SDCCAG8: variants seen among roughly 807,000 people sequenced by gnomAD.
SDCCAG8 encodes the protein SHH signaling and ciliogenesis regulator SDCCAG8.
A neutral mutation model predicts 101.8 loss-of-function variants in SDCCAG8; 74 were observed. That is an observed-to-expected ratio of 0.73 (90% CI 0.60 to 0.88). The LOEUF (loss-of-function observed/expected upper bound fraction) is 0.88, where lower values mean the gene tolerates loss of function less well. Among genes scored for constraint, SDCCAG8 ranks in the 40% least tolerant of loss-of-function variants. The probability of loss-of-function intolerance (pLI) is 0.00; values close to 1 mark genes in which losing one functional copy is unlikely to be tolerated. For missense variants in SDCCAG8, 787 were observed against 822.6 expected (o/e 0.96, Z 0.53); for synonymous variants, 281 against 292.9 (o/e 0.96, Z 0.41).
chr1:243,406,718 T>C (rs1441135644), intron 13 of SDCCAG8, among the ~76,000 whole-genome samples: 2 of 152,096 alleles, frequency 1.3e-5, no homozygotes, highest in African/African-American at 4.8e-5. Context: ...TCTTCAATAA[T>C]CTCCCCTCCA....
At chr1:243,339,407 C>T (rs1233859044) in intron 10 of SDCCAG8, among the ~76,000 whole-genome samples, 2 of 152,036 alleles carry the variant, frequency 1.3e-5, no homozygotes, top group African/African-American at 2.4e-5. Context: ...AATATATATG[C>T]TCATGAACTC....
intron 10 of SDCCAG8, among the ~76,000 whole-genome samples, chr1:243,337,690 A>C (rs1017076304): frequency 6.6e-6 from 1 of 152,228 alleles, no homozygotes; most frequent in Non-Finnish European, 1.5e-5. Context: ...TGTCTGACTT[A>C]CCGTGGGCAT....
chr1:243,262,105 C>CCTCATGT (rs1205611379), intron 1 of SDCCAG8, among the ~76,000 whole-genome samples: 37 of 116,102 alleles, frequency 3.2e-4, no homozygotes, highest in Admixed American at 5.4e-4. Context: ...CCACGGTGCC[C>CCTCATGT]GACTTTTTTT....
chr1:243,428,072 C>T (rs1354649506), intron 16 of SDCCAG8, among the ~76,000 whole-genome samples: 2 of 152,240 alleles, frequency 1.3e-5, no homozygotes, highest in Non-Finnish European at 2.9e-5. Context: ...GCACCTGGGG[C>T]ATCTTTCCAT....
chr1:243,332,251 A>C (rs902307299), intron 10 of SDCCAG8, among the ~76,000 whole-genome samples: 1 of 152,222 alleles, frequency 6.6e-6, no homozygotes, highest in Non-Finnish European at 1.5e-5. Flanking sequence ...AATGGCTTTA[A>C]AATCCATATG....
chr1:243,496,668 G>A (rs1667991491), intron 17 of SDCCAG8, among the ~76,000 whole-genome samples: 1 of 152,230 alleles, frequency 6.6e-6, no homozygotes, highest in East Asian at 1.9e-4. Flanking sequence ...ATCTCCCCGG[G>A]CTGCCACTTC....
chr1:243,451,540 C>A (rs1216671865), intron 16 of SDCCAG8, among the ~76,000 whole-genome samples: 2 of 152,186 alleles, frequency 1.3e-5, no homozygotes, highest in African/African-American at 4.8e-5. Flanking sequence ...TGCCACAACT[C>A]TTGTCTTAAA....
At chr1:243,426,063 G>A (rs75979659) in intron 15 of SDCCAG8, among the ~76,000 whole-genome samples, 5,476 of 152,286 alleles carry the variant, frequency 0.036, 133 homozygotes, top group Middle Eastern at 0.078. Flanking sequence ...CTCTGTTATA[G>A]AAATTAGGCC....
intron 8 of SDCCAG8, among the ~76,000 whole-genome samples, chr1:243,312,694 A>C (rs550266943): frequency 3.4e-5 from 5 of 147,892 alleles, no homozygotes; most frequent in Non-Finnish European, 7.4e-5. Context: ...CAACAGAGGA[A>C]GAACCTGTCT....
At chr1:243,340,826 T>G (rs934949416) in intron 10 of SDCCAG8, among the ~76,000 whole-genome samples, 5 of 152,140 alleles carry the variant, frequency 3.3e-5, no homozygotes, top group African/African-American at 1.2e-4. Flanking sequence ...CAAAATGAGG[T>G]TAGAGATCAG....
intron 13 of SDCCAG8, among the ~76,000 whole-genome samples, chr1:243,412,842 G>A (rs2080278310): frequency 8.4e-6 from 1 of 119,162 alleles, no homozygotes; most frequent in African/African-American, 2.5e-5. Flanking sequence ...TTTTTAAGTA[G>A]GTTTTTTTTT....
At chr1:243,470,650 G>T (rs914220459) in intron 16 of SDCCAG8, among the ~76,000 whole-genome samples, 4 of 152,052 alleles carry the variant, frequency 2.6e-5, no homozygotes, top group East Asian at 3.9e-4. Flanking sequence ...GCATACAGCC[G>T]TGCTGTGCTT....
chr1:243,312,369 C>A (rs2072812452), intron 8 of SDCCAG8, among the ~76,000 whole-genome samples: 1 of 152,192 alleles, frequency 6.6e-6, no homozygotes, highest in Admixed American at 6.5e-5. Context: ...TCCTTTGTTG[C>A]ATCCTTTAGC....
chr1:243,442,527 A>G (rs2082609921), intron 16 of SDCCAG8, among the ~76,000 whole-genome samples: 1 of 152,178 alleles, frequency 6.6e-6, no homozygotes, highest in South Asian at 2.1e-4. Context: ...TGCATGACAC[A>G]GTGCCTCTGG....
At chr1:243,258,648 GC>G (rs1232276776) in intron 1 of SDCCAG8, among the ~76,000 whole-genome samples, 21 of 152,184 alleles carry the variant, frequency 1.4e-4, no homozygotes, top group Non-Finnish European at 7.4e-5. Context: ...TAAGTGATCC[GC>G]CCACTTCAGC....
intron 16 of SDCCAG8, among the ~76,000 whole-genome samples, chr1:243,452,357 A>G (rs576028415): frequency 2.7e-5 from 4 of 146,224 alleles, no homozygotes; most frequent in Admixed American, 1.4e-4. Context: ...AGACTCCTCT[A>G]TCTCTTTCTC....
intron 13 of SDCCAG8, among the ~76,000 whole-genome samples, chr1:243,398,048 C>T (rs139356851): frequency 3.2e-4 from 49 of 152,270 alleles, no homozygotes; most frequent in African/African-American, 1.1e-3. Context: ...AAGAAGCTAT[C>T]ACCGGGAAAA....
chr1:243,415,086 A>G (rs1180063365), intron 13 of SDCCAG8, among the ~76,000 whole-genome samples: 7 of 152,116 alleles, frequency 4.6e-5, no homozygotes, highest in African/African-American at 7.2e-5. Flanking sequence ...ATTTCTTTCA[A>G]TGTGACCCAC....
At chr1:243,335,520 G>A (rs2074937810) in intron 10 of SDCCAG8, among the ~76,000 whole-genome samples, 1 of 152,174 alleles carries the variant, frequency 6.6e-6, no homozygotes, top group African/African-American at 2.4e-5. Context: ...AAGTGTGCCT[G>A]GCAGTATTCC....
Sources: allele counts gnomAD v4.1 joint callset (sites outside exome capture counted in the v4.1 genomes callset), GRCh38; gene constraint gnomAD v4.1.1; transcripts MANE v1.5; gene names NCBI Gene and HGNC (gene_info 2026-07-23, HGNC 2026-07-21).